Variants in PDE1A observed in about 807,000 individuals in gnomAD.
PDE1A encodes the protein dual specificity calcium/calmodulin-dependent 3',5'-cyclic nucleotide phosphodiesterase 1A.
PDE1A carries 35 observed loss-of-function variants against 61.7 expected under a neutral mutation model. That is an observed-to-expected ratio of 0.57 (90% CI 0.43 to 0.75). The LOEUF (loss-of-function observed/expected upper bound fraction) is 0.75, where lower values mean the gene tolerates loss of function less well. Ranked by LOEUF, PDE1A falls within the 30% of genes least tolerant of loss-of-function variation. The pLI, the probability that PDE1A is intolerant of heterozygous loss-of-function variation, is 0.00. For missense variants in PDE1A, 597 were observed against 630.6 expected (o/e 0.95, Z 0.57); for synonymous variants, 232 against 213.2 (o/e 1.09, Z -0.77).
chr2:182,175,620 C>A (rs1321857833), intron 13 of PDE1A, among the ~76,000 whole-genome samples: 1 of 86,146 alleles, frequency 1.2e-5, no homozygotes, highest in Admixed American at 1.4e-4. Context: ...AAAATTTTCT[C>A]CCATTTTGTA....
At chr2:182,374,061 AATATT>A (rs1700263807) in intron 1 of PDE1A, among the ~76,000 whole-genome samples, 1 of 152,322 alleles carries the variant, frequency 6.6e-6, no homozygotes, top group South Asian at 2.1e-4. Context: ...GTGGAGGAGA[AATATT>A]AGATAAAGTA....
chr2:182,508,725 T>C (rs903189650), intron 2 of PDE1A, among the ~76,000 whole-genome samples: 3 of 149,082 alleles, frequency 2.0e-5, no homozygotes, highest in Non-Finnish European at 3.0e-5. Context: ...CATTTGTAAA[T>C]TTCTTTTTTT....
chr2:182,228,400 A>C (rs994360385), intron 6 of PDE1A, among the ~76,000 whole-genome samples: 1 of 152,150 alleles, frequency 6.6e-6, no homozygotes, highest in African/African-American at 2.4e-5. Context: ...CATAAATGTC[A>C]CACTGATAGG....
chr2:182,325,848 G>A (rs1261415966), intron 1 of PDE1A, among the ~76,000 whole-genome samples: 1 of 152,152 alleles, frequency 6.6e-6, no homozygotes, highest in Non-Finnish European at 1.5e-5. Flanking sequence ...GAACCCAGGA[G>A]GCAGAGATTG....
chr2:182,212,944 A>T (rs1263416717), intron 7 of PDE1A, among the ~76,000 whole-genome samples: 2 of 151,320 alleles, frequency 1.3e-5, no homozygotes, highest in African/African-American at 4.9e-5. Flanking sequence ...CTGCCTCTGT[A>T]GGCCCCACCT....
chr2:182,312,016 C>T (rs1187241067), intron 1 of PDE1A, among the ~76,000 whole-genome samples: 1 of 152,046 alleles, frequency 6.6e-6, no homozygotes, highest in Non-Finnish European at 1.5e-5. Flanking sequence ...ATTTGCATTT[C>T]CCTAGTGATG....
At chr2:182,230,878 C>T in intron 5 of PDE1A, 137 bp downstream of exon 5, 4 of 618,698 alleles carry the variant, frequency 6.5e-6, no homozygotes, top group Non-Finnish European at 1.2e-5. Context: ...ATATAAAGAC[C>T]TCATCACCTT....
chr2:182,447,148 C>G (rs922932292), intron 2 of PDE1A, among the ~76,000 whole-genome samples: 1 of 150,460 alleles, frequency 6.6e-6, no homozygotes, highest in Non-Finnish European at 1.5e-5. Flanking sequence ...CACAAACACA[C>G]ATACTCTATT....
chr2:182,143,020 T>C (rs1299750092), downstream of PDE1A: 1 of 152,218 alleles, frequency 6.6e-6, no homozygotes, highest in East Asian at 1.9e-4. Flanking sequence ...TAGGATGTTT[T>C]CATGCTGATT....
At chr2:182,224,522 A>G (rs944790865) in intron 6 of PDE1A, among the ~76,000 whole-genome samples, 2 of 151,834 alleles carry the variant, frequency 1.3e-5, no homozygotes, top group African/African-American at 2.4e-5. Context: ...ATTAACTTCA[A>G]TAATGTTAAA....
At chr2:182,417,254 G>A (rs1702978165) in intron 1 of PDE1A, among the ~76,000 whole-genome samples, 1 of 152,162 alleles carries the variant, frequency 6.6e-6, no homozygotes, top group Non-Finnish European at 1.5e-5. Flanking sequence ...CCAGTTGCCT[G>A]TCAGAATCCT....
chr2:182,626,762 C>CATATATATATACATAT, the PDE1A span, among the ~76,000 whole-genome samples: 1 of 10,812 alleles, frequency 9.2e-5, no homozygotes, highest in Non-Finnish European at 1.9e-4. Context: ...TATATATATA[C>CATATATATATACATAT]ATATATATAC....
At chr2:182,555,216 T>G in the PDE1A span, among the ~76,000 whole-genome samples, 1 of 152,214 alleles carries the variant, frequency 6.6e-6, no homozygotes, top group Non-Finnish European at 1.5e-5. Context: ...CAAAAAAGGA[T>G]TTTATGAAGC....
chr2:182,312,066 C>G (rs1272051617), intron 1 of PDE1A, among the ~76,000 whole-genome samples: 1 of 152,112 alleles, frequency 6.6e-6, no homozygotes, highest in Non-Finnish European at 1.5e-5. Flanking sequence ...CATGTGCTTA[C>G]TTGCTATTCA....
chr2:182,318,883 G>A (rs759763349), intron 1 of PDE1A, among the ~76,000 whole-genome samples: 35 of 151,876 alleles, frequency 2.3e-4, no homozygotes, highest in Non-Finnish European at 4.3e-4. Context: ...AGCCCACATT[G>A]ATTTCAATAT....
chr2:182,455,555 C>A (rs1193981801), intron 2 of PDE1A, among the ~76,000 whole-genome samples: 1 of 152,158 alleles, frequency 6.6e-6, no homozygotes, highest in African/African-American at 2.4e-5. Context: ...GGCACATATA[C>A]ACCATGGAAC....
chr2:182,348,449 C>G (rs1387477994), intron 1 of PDE1A, among the ~76,000 whole-genome samples: 1 of 152,026 alleles, frequency 6.6e-6, no homozygotes, highest in Non-Finnish European at 1.5e-5. Flanking sequence ...TAGGAATCAG[C>G]CCACATCACC....
chr2:182,506,075 A>C (rs1027078796), intron 2 of PDE1A, among the ~76,000 whole-genome samples: 2 of 152,222 alleles, frequency 1.3e-5, no homozygotes, highest in Non-Finnish European at 2.9e-5. Context: ...AGTGCAATGC[A>C]TAACTAAATA....
chr2:182,434,982 G>T (rs1704138714), intron 2 of PDE1A, among the ~76,000 whole-genome samples: 1 of 151,880 alleles, frequency 6.6e-6, no homozygotes, highest in Non-Finnish European at 1.5e-5. Flanking sequence ...CAGAAACAAG[G>T]CTTTCTATGT....
Sources: gnomAD v4.1 joint callset for allele counts (sites outside exome capture counted in the v4.1 genomes callset) on GRCh38, gnomAD v4.1.1 for gene constraint, MANE v1.5 for transcripts, NCBI Gene and HGNC (gene_info 2026-07-23, HGNC 2026-07-21) for gene names.